The following PARD3 variants were observed in gnomAD, a reference collection of about 807,000 sequenced individuals.
The protein encoded by PARD3 is partitioning defective 3 homolog.
A neutral mutation model predicts 155.4 loss-of-function variants in PARD3; 75 were observed. The ratio of observed to expected loss-of-function variants is 0.48; its 90% CI spans 0.40 to 0.58. The LOEUF is 0.58. PARD3 is among the 20% of genes least tolerant of loss of function. The pLI, the probability that PARD3 is intolerant of heterozygous loss-of-function variation, is 0.00. For missense variants in PARD3, 1,642 were observed against 1,721.7 expected (o/e 0.95, Z 0.82); for synonymous variants, 576 against 610.5 (o/e 0.94, Z 0.83).
intron 20 of PARD3, among the ~76,000 whole-genome samples, chr10:34,304,985 G>A (rs1455142779): frequency 6.6e-6 from 1 of 152,136 alleles, no homozygotes; most frequent in Non-Finnish European, 1.5e-5. Context: ...TGGAAATTGA[G>A]AAACCTTAAT....
At chr10:34,715,753 G>C (rs991726452) in intron 1 of PARD3, among the ~76,000 whole-genome samples, 19 of 152,196 alleles carry the variant, frequency 1.2e-4, no homozygotes, top group African/African-American at 4.6e-4. Flanking sequence ...CATGTGGCAG[G>C]CACGGAACAA....
chr10:34,317,214 A>G lies in PARD3; in HGVS notation c.2958T>C (p.Asp986=). The G allele has an allele frequency of 6.2e-7, 1 of 1,613,288 alleles. No individual in the cohort carries two copies. The highest frequency in any genetic ancestry group is 8.5e-7 in the Non-Finnish European group (1 of 1,179,848). ...CTTTTCCAGTTTTATCCTTTTTTCT[A>G]TCAGTCTTATCACCTTTCTCTTGGT... ...NGNQEKGDKT[D]RKKDKTGKEK... is the part of the protein sequence containing the mutation. The change falls in exon 20 of 25, where the codon GAT becomes GAC. Residue 986 remains aspartate, a synonymous_variant. Transcript: ENST00000374788.
At chr10:34,769,285 G>A (rs975867005) in intron 1 of PARD3, among the ~76,000 whole-genome samples, 4 of 152,076 alleles carry the variant, frequency 2.6e-5, no homozygotes, top group East Asian at 3.9e-4. Context: ...CACCCTGACC[G>A]AATCAGTCAC....
At chr10:34,716,755 G>A (rs1199505992) in intron 1 of PARD3, among the ~76,000 whole-genome samples, 2 of 151,768 alleles carry the variant, frequency 1.3e-5, no homozygotes, top group Admixed American at 1.3e-4. Flanking sequence ...ACCACCCCCG[G>A]CTAATTTTGT....
chr10:34,515,439 T>A (rs1271452539), intron 3 of PARD3, among the ~76,000 whole-genome samples: 1 of 152,210 alleles, frequency 6.6e-6, no homozygotes, highest in Admixed American at 6.5e-5. Context: ...TGTATCTGAG[T>A]CCGATCTTGT....
At chr10:34,312,367 C>T (rs1462908911) in intron 20 of PARD3, 12 of 1,612,538 alleles carry the variant, frequency 7.4e-6, no homozygotes, top group Non-Finnish European at 9.3e-6. Context: ...TCTTCTCGGG[C>T]TTCAGTTTGG....
At chr10:34,119,566 C>G (rs748576062) in intron 24 of PARD3, 47 bp downstream of exon 24, 2 of 1,542,748 alleles carry the variant, frequency 1.3e-6, no homozygotes, top group Non-Finnish European at 1.8e-6. Context: ...GGCGGGGGAT[C>G]TTAAAGGGCC....
intron 2 of PARD3, among the ~76,000 whole-genome samples, chr10:34,624,189 C>T (rs368344921): frequency 1.3e-5 from 2 of 152,130 alleles, no homozygotes; most frequent in African/African-American, 4.8e-5. Context: ...GCGTCTCCCA[C>T]GCTAATATCT....
intron 2 of PARD3, among the ~76,000 whole-genome samples, chr10:34,606,965 TAAAAAA>T (rs531578595): frequency 0.016 from 1,889 of 114,830 alleles, 52 homozygotes; most frequent in African/African-American, 0.057. Context: ...GACTCTGTCT[TAAAAAA>T]AAAAAAAAAA....
At chr10:34,123,087 T>G (rs7903640) in intron 23 of PARD3, among the ~76,000 whole-genome samples, 1 of 152,012 alleles carries the variant, frequency 6.6e-6, no homozygotes, top group Non-Finnish European at 1.5e-5. Flanking sequence ...GTTCTAACAG[T>G]GCAAATTACA....
intron 1 of PARD3, among the ~76,000 whole-genome samples, chr10:34,751,032 T>C (rs557645946): frequency 6.6e-6 from 1 of 152,210 alleles, no homozygotes; most frequent in South Asian, 2.1e-4. Flanking sequence ...CACTGTATAT[T>C]AGGAGTGGGA....
Position 34,234,922 on chromosome 10 carries a change from A to C in PARD3, c.3419+34735T>G, listed in dbSNP as rs373413928. ...TGATTTTGCAAGGCAAATTGATAAC[A>C]TACATGCACTTTATGGAGAAAATAA... On this transcript the variant is annotated intron_variant, in intron 22 of 24. Coordinates refer to ENST00000374788, the MANE Select transcript of PARD3 (RefSeq NM_001184785.2). Among the ~76,000 whole-genome samples, 57 of 152,348 alleles carry C rather than the reference A, an allele frequency of 3.7e-4. 1 individual carries two copies. In the South Asian group the frequency reaches 0.011, roughly 29 times the overall value.
Position 34,526,257 on chromosome 10 carries a change from T to C in PARD3, c.223-9098A>G, listed in dbSNP as rs372618284. 2.4e-4 allele frequency among the ~76,000 whole-genome samples: 37 copies of C among 152,186 alleles called. No homozygotes were observed. In the South Asian group the frequency reaches 7.5e-3, roughly 31 times the overall value. ...CAGCACCAATCACAATGTTAAACGT[T>C]AGTGAGCAAGCAACTGGGGGTGAAA... On this transcript the variant is annotated intron_variant, in intron 2 of 24. Transcript: ENST00000374788.
intron 22 of PARD3, among the ~76,000 whole-genome samples, chr10:34,191,928 T>G (rs181347029): frequency 2.4e-4 from 36 of 152,276 alleles, no homozygotes; most frequent in Admixed American, 2.0e-3. Context: ...ATAGAGACTA[T>G]AGGCTTACAG....
chr10:34,604,272 C>G (rs1339890531), intron 2 of PARD3, among the ~76,000 whole-genome samples: 1 of 152,012 alleles, frequency 6.6e-6, no homozygotes, highest in African/African-American at 2.4e-5. Flanking sequence ...GTGGGTGTTG[C>G]CAAAAGAGAT....
intron 6 of PARD3, 108 bp from the exon 7 acceptor site, chr10:34,399,521 CAAA>C: frequency 1.4e-6 from 1 of 727,928 alleles, no homozygotes; most frequent in Non-Finnish European, 2.5e-6. Context: ...CAATAAACAA[CAAA>C]AGAGAACAGA....
At chr10:34,586,710 G>A (rs369050850) in intron 2 of PARD3, among the ~76,000 whole-genome samples, 2 of 152,166 alleles carry the variant, frequency 1.3e-5, no homozygotes, top group East Asian at 1.9e-4. Context: ...ACTTTGGGAG[G>A]CCGAGGCGAG....
intron 19 of PARD3, among the ~76,000 whole-genome samples, chr10:34,328,023 T>C (rs1835218561): frequency 6.6e-6 from 1 of 152,048 alleles, no homozygotes; most frequent in Non-Finnish European, 1.5e-5. Flanking sequence ...GAAAATGGTG[T>C]GGTTAGGAAG....
intron 2 of PARD3, among the ~76,000 whole-genome samples, chr10:34,692,354 T>A (rs2133440816): frequency 6.6e-6 from 1 of 152,152 alleles, no homozygotes; most frequent in Admixed American, 6.5e-5. Flanking sequence ...GGACGAGACT[T>A]CATGATGAAG....
Sources: allele counts gnomAD v4.1 joint callset (sites outside exome capture counted in the v4.1 genomes callset), GRCh38; gene constraint gnomAD v4.1.1; transcripts MANE v1.5; gene names NCBI Gene and HGNC (gene_info 2026-07-23, HGNC 2026-07-21).